The following NCOA2 variants were observed in gnomAD, a reference collection of about 807,000 sequenced individuals.
The protein encoded by NCOA2 is class E basic helix-loop-helix protein 75.
A neutral mutation model predicts 145.1 loss-of-function variants in NCOA2; 21 were observed. The observed-to-expected ratio is 0.14, with a 90% CI of 0.10 to 0.21. The LOEUF (loss-of-function observed/expected upper bound fraction) is 0.21, where lower values mean the gene tolerates loss of function less well. NCOA2 is among the 10% of genes least tolerant of loss of function. NCOA2 has a pLI of 1.00. For synonymous variants in NCOA2, 619 were observed against 637.5 expected (o/e 0.97, Z 0.44); for missense variants, 1,472 against 1,837.6 (o/e 0.80, Z 3.64).
At chr8:70,346,741 G>C (rs1429599800) in intron 1 of NCOA2, among the ~76,000 whole-genome samples, 9 of 152,162 alleles carry the variant, frequency 5.9e-5, no homozygotes, top group Non-Finnish European at 1.0e-4. Flanking sequence ...AGAGAACCAA[G>C]ATGTAGCTAA....
upstream of NCOA2, among the ~76,000 whole-genome samples, chr8:70,408,767 A>G (rs1024919283): frequency 3.6e-4 from 53 of 145,206 alleles, no homozygotes; most frequent in African/African-American, 1.3e-3. Context: ...GTGTGCCACC[A>G]CACCCAGCTT....
At chr8:70,214,342 G>A (rs1819363933) in intron 3 of NCOA2, among the ~76,000 whole-genome samples, 1 of 152,152 alleles carries the variant, frequency 6.6e-6, no homozygotes, top group Non-Finnish European at 1.5e-5. Flanking sequence ...GACCTGGACT[G>A]TGCTCACCAC....
chr8:70,431,645 G>A, the NCOA2 span, among the ~76,000 whole-genome samples: 14 of 152,264 alleles, frequency 9.2e-5, no homozygotes, highest in Admixed American at 9.2e-4. Flanking sequence ...TGAAGTATTC[G>A]TTCTTTGGGC....
chr8:70,444,973 G>C, the NCOA2 span, among the ~76,000 whole-genome samples: 1 of 152,142 alleles, frequency 6.6e-6, no homozygotes, highest in African/African-American at 2.4e-5. Context: ...AACAACTTCA[G>C]CAAATGTGTC....
intron 15 of NCOA2, among the ~76,000 whole-genome samples, chr8:70,134,211 G>A (rs1263158725): frequency 1.3e-5 from 2 of 152,176 alleles, no homozygotes; most frequent in African/African-American, 4.8e-5. Context: ...CTTAGGGAGC[G>A]GGAGGAAGAA....
chr8:70,149,186 C>A (rs952858617), intron 11 of NCOA2, among the ~76,000 whole-genome samples: 1 of 151,774 alleles, frequency 6.6e-6, no homozygotes, highest in Non-Finnish European at 1.5e-5. Flanking sequence ...GGTTGCCCCC[C>A]AAACATAGCA....
chr8:70,367,433 T>C (rs1037193749), intron 1 of NCOA2, among the ~76,000 whole-genome samples: 9 of 152,280 alleles, frequency 5.9e-5, no homozygotes, highest in African/African-American at 2.2e-4. Flanking sequence ...GTGGACTGCA[T>C]TTCCAGATAC....
intron 19 of NCOA2, 137 bp downstream of exon 19, chr8:70,126,676 G>T: frequency 1.3e-6 from 1 of 755,732 alleles, no homozygotes; most frequent in Non-Finnish European, 2.2e-6. Flanking sequence ...GTCCTCCCAG[G>T]TTTCCTATCA....
At chr8:70,173,742 T>C (rs996703810) in intron 5 of NCOA2, among the ~76,000 whole-genome samples, 79 of 152,334 alleles carry the variant, frequency 5.2e-4, no homozygotes, top group African/African-American at 1.9e-3. Context: ...CTGGGTCAGA[T>C]GCTCTTGGAG....
the NCOA2 span, among the ~76,000 whole-genome samples, chr8:70,423,871 G>A: frequency 2.6e-5 from 4 of 152,218 alleles, no homozygotes; most frequent in East Asian, 1.9e-4. Flanking sequence ...CCAGCACAGG[G>A]TCCCCGACAC....
At chr8:70,234,977 C>T (rs749988129) in intron 2 of NCOA2, among the ~76,000 whole-genome samples, 19 of 152,136 alleles carry the variant, frequency 1.2e-4, no homozygotes, top group Non-Finnish European at 2.4e-4. Context: ...ACCTCCACAC[C>T]CAAAAGATGT....
chr8:70,267,051 C>A (rs999002336), intron 2 of NCOA2, among the ~76,000 whole-genome samples: 1 of 152,150 alleles, frequency 6.6e-6, no homozygotes, highest in Non-Finnish European at 1.5e-5. Context: ...GAACTTTGAA[C>A]AATTACAGCA....
intron 4 of NCOA2, among the ~76,000 whole-genome samples, chr8:70,182,143 T>C (rs1025525954): frequency 5.3e-5 from 8 of 152,258 alleles, no homozygotes; most frequent in South Asian, 2.1e-4. Context: ...TCAACATTAA[T>C]GCACTATATA....
chr8:70,364,247 G>GAA (rs147779379), intron 1 of NCOA2, among the ~76,000 whole-genome samples: 1 of 141,714 alleles, frequency 7.1e-6, no homozygotes, highest in Admixed American at 7.1e-5. Context: ...ATTTAGGACT[G>GAA]AAAAAAAAAA....
At chr8:70,405,422 T>C (rs1814724139), upstream of NCOA2, among the ~76,000 whole-genome samples, 1 of 148,790 alleles carries the variant, frequency 6.7e-6, no homozygotes, top group Non-Finnish European at 1.5e-5. Flanking sequence ...TATGTATTAA[T>C]GTATATTTTT....
rs375911707 is a variant in NCOA2, at chr8:70,126,979, T to C, written c.3750A>G (p.Arg1250=). Residue 1250 remains arginine (R), a synonymous_variant, in exon 19 of 23, where the codon AGA becomes AGG. Coordinates refer to ENST00000452400, the MANE Select transcript of NCOA2 (RefSeq NM_006540.4). ...GAACTTGCTGTTGCTGATGCATTTG[T>C]CTCTGTCGAAGATGCTGGTTCAGGA... ...REILNQHLRQ[R]QMHQQQQVQQ... is the part of the protein sequence containing the mutation. The C allele has an allele frequency of 5.9e-5, 95 of 1,613,732 alleles. No homozygotes were observed. The highest frequency in any genetic ancestry group is 6.9e-5 in the Non-Finnish European group (81 of 1,179,868).
At chr8:70,348,991 A>G (rs971954556) in intron 1 of NCOA2, among the ~76,000 whole-genome samples, 1 of 135,386 alleles carries the variant, frequency 7.4e-6, no homozygotes, top group Non-Finnish European at 1.6e-5. Flanking sequence ...AAAATTGAAA[A>G]TGTGGGGGGC....
chr8:70,365,874 C>T (rs1380882113), intron 1 of NCOA2, among the ~76,000 whole-genome samples: 1 of 152,112 alleles, frequency 6.6e-6, no homozygotes, highest in Non-Finnish European at 1.5e-5. Context: ...AAGATTATCA[C>T]CCAGCAAAAC....
chr8:70,419,318 T>C, the NCOA2 span, among the ~76,000 whole-genome samples: 5 of 152,140 alleles, frequency 3.3e-5, no homozygotes, highest in Admixed American at 6.5e-5. Flanking sequence ...AAAGGATATA[T>C]TTTATATAGC....
Sources: gnomAD v4.1 joint callset for allele counts (sites outside exome capture counted in the v4.1 genomes callset) on GRCh38, gnomAD v4.1.1 for gene constraint, MANE v1.5 for transcripts, NCBI Gene and HGNC (gene_info 2026-07-23, HGNC 2026-07-21) for gene names.